The following PYROXD1 variants were observed in gnomAD, a reference collection of about 807,000 sequenced individuals.
The protein encoded by PYROXD1 is tRNA ligase complex-associated NAD(P)H dehydrogenase PYROXD1.
In PYROXD1, 42 loss-of-function variants were observed where a neutral mutation model predicts 62.0. That is an observed-to-expected ratio of 0.68 (90% confidence interval 0.53 to 0.88). The LOEUF (loss-of-function observed/expected upper bound fraction) is 0.88. Ranked by LOEUF, PYROXD1 falls within the 40% of genes least tolerant of loss-of-function variation. The pLI is 0.00. For synonymous variants in PYROXD1, 170 were observed against 206.4 expected, an observed-to-expected ratio of 0.82 and a Z score of 1.51; for missense variants, 493 against 604.8, an observed-to-expected ratio of 0.82 and a Z score of 1.94.
intron 11 of PYROXD1, 37 bp from the exon 12 acceptor site, chr12:21,468,469 A>G: frequency 1.3e-6 from 2 of 1,571,736 alleles, no homozygotes; most frequent in Non-Finnish European, 1.7e-6. Flanking sequence ...TTTCTTTATG[A>G]TACTCATGAC....
chr12:21,440,831 C>T (rs570911238), intron 2 of PYROXD1, among the ~76,000 whole-genome samples: 7 of 152,212 alleles, frequency 4.6e-5, no homozygotes, highest in Admixed American at 2.6e-4. Context: ...TGTTGTGGTA[C>T]TTTCCTTCCA....
chr12:21,445,344 C>A lies in PYROXD1; in HGVS notation c.166-3C>A. 1 of 1,585,264 alleles carries A rather than the reference C, an allele frequency of 6.3e-7. No homozygotes were observed. Among genetic ancestry groups the A allele is most frequent in the Non-Finnish European group, 8.5e-7 (1 of 1,170,890 alleles). On this transcript the variant is annotated splice_region_variant and splice_polypyrimidine_tract_variant and intron_variant, in intron 2 of 11. Coordinates refer to ENST00000240651, the MANE Select transcript of PYROXD1 (RefSeq NM_024854.5). ...ACATTTTTAATCTCTTGGATCTATA[C>A]AGATTTCTAAAATATTGGAAGAATT...
chr12:21,443,180 A>G (rs1206885976), intron 2 of PYROXD1, among the ~76,000 whole-genome samples: 2 of 152,204 alleles, frequency 1.3e-5, no homozygotes, highest in Non-Finnish European at 2.9e-5. Flanking sequence ...ATAGAATACC[A>G]GAAGCTCCCA....
intron 5 of PYROXD1, among the ~76,000 whole-genome samples, chr12:21,452,571 G>C (rs1467798758): frequency 2.0e-5 from 3 of 152,044 alleles, no homozygotes; most frequent in African/African-American, 7.2e-5. Flanking sequence ...TATGTTACCT[G>C]TCTGGCCAGT....
chr12:21,440,323 T>TA (rs35163255), intron 1 of PYROXD1, 45 bp from the exon 2 acceptor site: 1 of 1,118,798 alleles, frequency 8.9e-7, no homozygotes, highest in South Asian at 1.3e-5. Context: ...TACCAGTACT[T>TA]AAAGTAATTT....
chr12:21,468,339 C>T (rs1384060404), intron 11 of PYROXD1, among the ~76,000 whole-genome samples, 167 bp from the exon 12 acceptor site: 1 of 151,988 alleles, frequency 6.6e-6, no homozygotes, highest in South Asian at 2.1e-4. Context: ...GTAGAATTAA[C>T]GCATGCTGTT....
chr12:21,461,930 A>G (rs1782899649), intron 8 of PYROXD1, 78 bp from the exon 9 acceptor site: 2 of 722,542 alleles, frequency 2.8e-6, no homozygotes, highest in Non-Finnish European at 4.6e-6. Flanking sequence ...GTTTCTAGTC[A>G]TTGTAGTCAC....
intron 3 of PYROXD1, among the ~76,000 whole-genome samples, chr12:21,449,043 C>G (rs532182919): frequency 6.6e-6 from 1 of 151,688 alleles, no homozygotes; most frequent in South Asian, 2.1e-4. Context: ...GAAGACATAC[C>G]ATAACCTCTT....
In PYROXD1 at chr12:21,469,289, A is replaced by C. The variant is rs1942867270; in HGVS notation, c.*535A>C. ...CTACAAGCTTGTCCAACTCTAGCCCACGGGTCTAATGCAGCCCAGAACAGC... is the reference window on the plus strand; with the variant it reads ...CTACAAGCTTGTCCAACTCTAGCCCCCGGGTCTAATGCAGCCCAGAACAGC... On this transcript the variant is annotated 3_prime_UTR_variant, in exon 12 of 12. Transcript: ENST00000240651. 6 of 154,658 alleles carry C rather than the reference A, an allele frequency of 3.9e-5. No individual in the cohort carries two copies. The highest frequency in any genetic ancestry group is 3.2e-4 in the Admixed American group (5 of 15,580). 9.6% of individuals were successfully genotyped at this position (154,658 alleles called of 1,614,324 possible). A position where few individuals can be genotyped will look rare whatever the true frequency, so the allele number is the denominator to read the frequency against.
chr12:21,452,259 G>T (rs1942514938), intron 5 of PYROXD1, 105 bp downstream of exon 5: 3 of 755,008 alleles, frequency 4.0e-6, no homozygotes, highest in Non-Finnish European at 5.7e-6. Context: ...TGGCAGACTG[G>T]AAAATGTTTT....
At chr12:21,443,961 G>A (rs992279101) in intron 2 of PYROXD1, among the ~76,000 whole-genome samples, 2 of 152,172 alleles carry the variant, frequency 1.3e-5, no homozygotes, top group African/African-American at 4.8e-5. Context: ...TTAATGACAA[G>A]CTAAGACTGT....
chr12:21,449,225 C>T (rs193255786), intron 3 of PYROXD1, among the ~76,000 whole-genome samples: 9 of 152,188 alleles, frequency 5.9e-5, no homozygotes, highest in Admixed American at 3.3e-4. Flanking sequence ...TTGTTTTTAA[C>T]GTGGGGTCAA....
chr12:21,462,491 T>C (rs1038025247), intron 9 of PYROXD1, among the ~76,000 whole-genome samples: 7 of 152,100 alleles, frequency 4.6e-5, no homozygotes, highest in Non-Finnish European at 8.8e-5. Context: ...CTTGTAGTTA[T>C]GGATAAGGTA....
intron 1 of PYROXD1, among the ~76,000 whole-genome samples, chr12:21,438,834 T>C (rs1219137375): frequency 6.6e-6 from 1 of 152,120 alleles, no homozygotes; most frequent in African/African-American, 2.4e-5. Flanking sequence ...ACATATATGA[T>C]GCAGGCACCG....
chr12:21,444,919 G>A (rs1942358300), intron 2 of PYROXD1, among the ~76,000 whole-genome samples: 1 of 152,168 alleles, frequency 6.6e-6, no homozygotes, highest in South Asian at 2.1e-4. Context: ...ACTTTAGCTG[G>A]ACAGAAAGGA....
chr12:21,461,716 ATAAT>A (rs1942701123), intron 8 of PYROXD1, among the ~76,000 whole-genome samples: 3 of 152,230 alleles, frequency 2.0e-5, no homozygotes, highest in Admixed American at 2.0e-4. Context: ...TTTTAGAGAA[ATAAT>A]TTAGAAATAA....
rs1439744899 is a variant in PYROXD1 at position 21,437,756 on chromosome 12, C to G, written c.26C>G (p.Thr9Arg). 4 of 1,613,160 alleles carry G rather than the reference C, an allele frequency of 2.5e-6. No individual in the cohort carries two copies. Among genetic ancestry groups the G allele is most frequent in the Non-Finnish European group, 3.4e-6 (4 of 1,179,748 alleles). MEAARPPP[T>R]AGKFVVVGGG... The stretch of plus-strand genomic sequence containing the variant: ...ATGGAGGCAGCGCGCCCTCCCCCGA[C>G]GGCAGGGAAGTTCGTGGTGGTCGGC... The change falls in exon 1 of 12, where the codon ACG becomes AGG. Residue 9 changes from threonine to arginine, a missense_variant. Physicochemically the swap from Thr to Arg is moderately conservative, Grantham distance 71. Around this residue, in one of 2 missense-constraint regions of PYROXD1, gnomAD observed 164 missense variants for 158.2 expected, o/e 1.04. Coordinates refer to ENST00000240651, the MANE Select transcript of PYROXD1 (RefSeq NM_024854.5).
Position 21,470,803 on chromosome 12 carries a change from A to G in PYROXD1, c.*2049A>G. 8.7e-6 allele frequency: 4 copies of G among 458,008 alleles called. No homozygotes were observed. Among genetic ancestry groups the G allele is most frequent in the Non-Finnish European group, 1.1e-5 (3 of 281,492 alleles). The allele number at this position is 458,008 out of a possible 1,614,324, so 28.4% of individuals were successfully genotyped here. ...GGCCAGTCTAAATTCTTTCACTTAC[A>G]TCTTTACAGAAAACTATATTTTCTC... On this transcript the variant is annotated 3_prime_UTR_variant, in exon 12 of 12. Coordinates refer to ENST00000240651, the MANE Select transcript of PYROXD1 (RefSeq NM_024854.5).
chr12:21,460,719 C>T (rs1002908062), intron 7 of PYROXD1, among the ~76,000 whole-genome samples: 1 of 152,160 alleles, frequency 6.6e-6, no homozygotes, highest in African/African-American at 2.4e-5. Flanking sequence ...GCCACTGTGC[C>T]CAACAACTAC....
Sources: allele counts gnomAD v4.1 joint callset (sites outside exome capture counted in the v4.1 genomes callset), GRCh38; gene constraint gnomAD v4.1.1; regional missense constraint gnomAD v4.1.1; transcripts MANE v1.5; gene names NCBI Gene and HGNC (gene_info 2026-07-23, HGNC 2026-07-21).